GALNT13: variants seen among roughly 807,000 people sequenced by gnomAD.
The protein encoded by GALNT13 is UDP-GalNAc:polypeptide N-acetylgalactosaminyltransferase 13.
Under a neutral mutation model 64.2 loss-of-function variants are expected in GALNT13, and 28 were observed. The observed-to-expected ratio is 0.44, with a 90% CI of 0.32 to 0.60. The LOEUF is 0.60. GALNT13 is among the 20% of genes least tolerant of loss of function. GALNT13 has a pLI of 0.05. For missense variants in GALNT13, 577 were observed against 669.8 expected, an observed-to-expected ratio of 0.86 and a Z score of 1.53; for synonymous variants, 214 against 224.6, an observed-to-expected ratio of 0.95 and a Z score of 0.42.
At chr2:153,346,423 G>T in the GALNT13 span, among the ~76,000 whole-genome samples, 1 of 152,128 alleles carries the variant, frequency 6.6e-6, no homozygotes, top group Admixed American at 6.5e-5. Flanking sequence ...TTGTAACCAA[G>T]GGCTGCACTG....
At chr2:153,489,571 C>T in the GALNT13 span, among the ~76,000 whole-genome samples, 1 of 152,046 alleles carries the variant, frequency 6.6e-6, no homozygotes, top group African/African-American at 2.4e-5. Flanking sequence ...TGCCGTATAT[C>T]CAAGGTTATA....
the GALNT13 span, among the ~76,000 whole-genome samples, chr2:153,680,286 ATC>A: frequency 2.0e-5 from 3 of 151,864 alleles, no homozygotes; most frequent in Admixed American, 2.0e-4. Context: ...TAGCTGTCTT[ATC>A]TCTGATTCCA....
chr2:153,486,964 G>A, the GALNT13 span, among the ~76,000 whole-genome samples: 1 of 152,168 alleles, frequency 6.6e-6, no homozygotes, highest in Non-Finnish European at 1.5e-5. Context: ...GTGGCTGCAA[G>A]GAGGCACAAA....
At chr2:153,566,351 T>TTGTTTTTTG in the GALNT13 span, among the ~76,000 whole-genome samples, 3 of 64,186 alleles carry the variant, frequency 4.7e-5, 1 homozygote, top group African/African-American at 1.6e-4. Context: ...TAATCACGTT[T>TTGTTTTTTG]TTTTTTTTTT....
the GALNT13 span, among the ~76,000 whole-genome samples, chr2:153,583,080 G>A: frequency 6.6e-6 from 1 of 152,274 alleles, no homozygotes; most frequent in Non-Finnish European, 1.5e-5. Flanking sequence ...TATAAATGCA[G>A]CTGTGACACA....
At chr2:153,851,457 T>G in the GALNT13 span, among the ~76,000 whole-genome samples, 1 of 151,992 alleles carries the variant, frequency 6.6e-6, no homozygotes, top group Non-Finnish European at 1.5e-5. Flanking sequence ...TCCCTATGTT[T>G]TGGGAGGCTA....
chr2:154,371,371 T>G (rs565532752), intron 9 of GALNT13, among the ~76,000 whole-genome samples: 1 of 152,236 alleles, frequency 6.6e-6, no homozygotes, highest in Admixed American at 6.6e-5. Context: ...GTCAATGTTG[T>G]GAATCACTAT....
chr2:153,178,763 T>G, the GALNT13 span, among the ~76,000 whole-genome samples: 1 of 138,342 alleles, frequency 7.2e-6, no homozygotes, highest in Admixed American at 8.4e-5. Context: ...TGAGATGGAG[T>G]CTTGCTCTGT....
At chr2:153,245,418 G>A in the GALNT13 span, among the ~76,000 whole-genome samples, 3 of 152,150 alleles carry the variant, frequency 2.0e-5, no homozygotes, top group Admixed American at 2.0e-4. Flanking sequence ...GTGCCCCTCT[G>A]GCACAAAGCT....
At chr2:153,625,474 G>C in the GALNT13 span, among the ~76,000 whole-genome samples, 1 of 152,066 alleles carries the variant, frequency 6.6e-6, no homozygotes, top group Non-Finnish European at 1.5e-5. Flanking sequence ...ATTATTGACA[G>C]AGAGAAGAAA....
At chr2:154,426,392 T>A (rs1232598439) in intron 11 of GALNT13, among the ~76,000 whole-genome samples, 2 of 152,152 alleles carry the variant, frequency 1.3e-5, no homozygotes, top group Non-Finnish European at 2.9e-5. Context: ...AATGTGATCT[T>A]GAAATGACTG....
the GALNT13 span, among the ~76,000 whole-genome samples, chr2:153,497,850 G>C: frequency 1.3e-5 from 2 of 152,008 alleles, no homozygotes; most frequent in African/African-American, 2.4e-5. Context: ...GTTTCTCCCA[G>C]TATCTTTTAG....
the GALNT13 span, among the ~76,000 whole-genome samples, chr2:153,810,127 A>AT: frequency 2.6e-5 from 4 of 151,854 alleles, no homozygotes; most frequent in Admixed American, 6.6e-5. Context: ...CGCCCAGCTA[A>AT]TTTTTTTGTA....
chr2:154,199,462 C>T (rs949865677), intron 4 of GALNT13, among the ~76,000 whole-genome samples: 2 of 151,980 alleles, frequency 1.3e-5, no homozygotes, highest in African/African-American at 2.4e-5. Context: ...AATGGGTACA[C>T]TCAACCTTAG....
At chr2:153,947,247 G>A (rs1318217325) in intron 3 of GALNT13, among the ~76,000 whole-genome samples, 1 of 151,940 alleles carries the variant, frequency 6.6e-6, no homozygotes, top group African/African-American at 2.4e-5. Context: ...TGGGACATAA[G>A]GGAACAAGGC....
At chr2:154,006,889 C>T (rs559008235) in intron 3 of GALNT13, among the ~76,000 whole-genome samples, 3 of 152,188 alleles carry the variant, frequency 2.0e-5, no homozygotes, top group Non-Finnish European at 4.4e-5. Flanking sequence ...AAGATGGCTC[C>T]CAGTGACCCA....
chr2:153,327,619 T>C, the GALNT13 span, among the ~76,000 whole-genome samples: 1 of 152,018 alleles, frequency 6.6e-6, no homozygotes, highest in East Asian at 2.0e-4. Flanking sequence ...CATGAAGTTC[T>C]CATGCTGTGT....
intron 4 of GALNT13, among the ~76,000 whole-genome samples, chr2:154,197,535 G>A (rs1043346559): frequency 2.6e-5 from 4 of 151,958 alleles, no homozygotes; most frequent in Non-Finnish European, 5.9e-5. Flanking sequence ...GTCAATTCCA[G>A]ATGATTAAAG....
At chr2:153,907,435 G>A (rs1688651504) in intron 2 of GALNT13, among the ~76,000 whole-genome samples, 1 of 151,848 alleles carries the variant, frequency 6.6e-6, no homozygotes, top group Non-Finnish European at 1.5e-5. Context: ...AGGGGTACAT[G>A]AGCAGGTTTG....
Sources: gnomAD v4.1 joint callset for allele counts (sites outside exome capture counted in the v4.1 genomes callset) on GRCh38, gnomAD v4.1.1 for gene constraint, MANE v1.5 for transcripts, NCBI Gene and HGNC (gene_info 2026-07-23, HGNC 2026-07-21) for gene names.